Variants in MMP26 observed in about 807,000 individuals in gnomAD.
MMP26 encodes the protein matrix metalloproteinase-26.
Under a neutral mutation model 31.0 loss-of-function variants are expected in MMP26, and 33 were observed. That is an observed-to-expected ratio of 1.06 (90% confidence interval 0.81 to 1.42). The LOEUF (loss-of-function observed/expected upper bound fraction) is 1.42, where lower values mean the gene tolerates loss of function less well. Among genes scored for constraint, MMP26 ranks in the 40% most tolerant of loss-of-function variants. The pLI, the probability that MMP26 is intolerant of heterozygous loss-of-function variation, is 0.00. For synonymous variants in MMP26, 122 were observed against 114.9 expected (o/e 1.06, Z -0.40); for missense variants, 347 against 316.1 (o/e 1.10, Z -0.74).
intron 2 of MMP26, among the ~76,000 whole-genome samples, chr11:4,927,033 C>T (rs1446093304): frequency 6.6e-6 from 1 of 152,188 alleles, no homozygotes; most frequent in African/African-American, 2.4e-5. Flanking sequence ...ATTTCCTCCA[C>T]TAGACTGCAT....
intron 2 of MMP26, among the ~76,000 whole-genome samples, chr11:4,794,726 G>A (rs1198643090): frequency 2.0e-5 from 3 of 152,090 alleles, no homozygotes; most frequent in Non-Finnish European, 4.4e-5. Context: ...TTCGGGTGAG[G>A]GTAACCAAGC....
intron 2 of MMP26, among the ~76,000 whole-genome samples, chr11:4,895,091 A>G (rs1393179878): frequency 6.6e-6 from 1 of 152,154 alleles, no homozygotes; most frequent in Non-Finnish European, 1.5e-5. Flanking sequence ...CAAGTACAGT[A>G]CCTTATGTAG....
At chr11:4,990,249 T>C (rs1168221176) in intron 4 of MMP26, among the ~76,000 whole-genome samples, 1 of 152,256 alleles carries the variant, frequency 6.6e-6, no homozygotes, top group Non-Finnish European at 1.5e-5. Flanking sequence ...TGTAGAATGC[T>C]ATACATTTTA....
intron 2 of MMP26, among the ~76,000 whole-genome samples, chr11:4,982,520 A>G (rs1365917973): frequency 6.6e-6 from 1 of 152,200 alleles, no homozygotes; most frequent in Non-Finnish European, 1.5e-5. Context: ...TCGACAAATT[A>G]CTCAACTCCC....
chr11:4,866,288 A>C (rs1471654889), intron 2 of MMP26, among the ~76,000 whole-genome samples: 1 of 152,194 alleles, frequency 6.6e-6, no homozygotes, highest in African/African-American at 2.4e-5. Flanking sequence ...ATTTCAGTTT[A>C]AATTCATACA....
In MMP26 at chr11:4,845,916, T is replaced by C. The variant is rs1027652198; in HGVS notation, c.-145+78575T>C. Among the ~76,000 whole-genome samples, 103 of 152,298 alleles carry C rather than the reference T, an allele frequency of 6.8e-4. 1 individual carries two copies. The highest frequency in any genetic ancestry group is 2.4e-3 in the African/African-American group (99 of 41,584). On this transcript the variant is annotated intron_variant, in intron 2 of 7. Transcript: ENST00000380390. ...AGATCTCATCTCACTCCAGTTAAAA[T>C]GGCTGATATCCAAAAGACAGACAAT...
chr11:4,956,662 G>A (rs1589950341), intron 2 of MMP26, among the ~76,000 whole-genome samples: 4 of 152,148 alleles, frequency 2.6e-5, no homozygotes, highest in Admixed American at 6.5e-5. Flanking sequence ...TGTTATCCTA[G>A]ATTTTATTCC....
At chr11:4,860,242 A>G (rs1370713040) in intron 2 of MMP26, 5 of 471,218 alleles carry the variant, frequency 1.1e-5, no homozygotes, top group African/African-American at 1.0e-4. Context: ...TATTCCAAAT[A>G]CATGGATGAA....
intron 2 of MMP26, among the ~76,000 whole-genome samples, chr11:4,839,963 C>A (rs1037705437): frequency 9.2e-5 from 14 of 152,144 alleles, no homozygotes; most frequent in Admixed American, 9.2e-4. Context: ...AGGGTGAGTT[C>A]CTGGCCAGGC....
At chr11:4,900,008 A>G (rs1352816468) in intron 2 of MMP26, among the ~76,000 whole-genome samples, 1 of 152,162 alleles carries the variant, frequency 6.6e-6, no homozygotes, top group Non-Finnish European at 1.5e-5. Context: ...AAAGCTATGT[A>G]TAATGATTGT....
intron 3 of MMP26, among the ~76,000 whole-genome samples, chr11:4,988,776 A>C (rs560635923): frequency 1.6e-4 from 25 of 152,352 alleles, no homozygotes; most frequent in African/African-American, 6.0e-4. Flanking sequence ...TAAGCATCCA[A>C]AATACCTAAA....
chr11:4,789,412 A>T (rs1470504410), intron 2 of MMP26, among the ~76,000 whole-genome samples: 1 of 150,986 alleles, frequency 6.6e-6, no homozygotes, highest in Non-Finnish European at 1.5e-5. Flanking sequence ...AGATGCTGGT[A>T]GCAGGTTCCT....
At chr11:4,833,224 C>T (rs1018277941) in intron 2 of MMP26, among the ~76,000 whole-genome samples, 1 of 152,128 alleles carries the variant, frequency 6.6e-6, no homozygotes, top group Non-Finnish European at 1.5e-5. Context: ...CCCTAAGGAG[C>T]ATCTAATATA....
intron 1 of MMP26, among the ~76,000 whole-genome samples, chr11:4,766,929 C>G (rs1307338339): frequency 6.6e-6 from 1 of 152,008 alleles, no homozygotes; most frequent in African/African-American, 2.4e-5. Flanking sequence ...CCACATCTAT[C>G]TTTCTGATGT....
At chr11:4,789,030 T>A (rs1414452732) in intron 2 of MMP26, among the ~76,000 whole-genome samples, 7 of 152,178 alleles carry the variant, frequency 4.6e-5, no homozygotes, top group African/African-American at 1.4e-4. Flanking sequence ...TTTCCTCCAC[T>A]TATCTATTTG....
chr11:4,706,313 C>A (rs985316134), intron 1 of MMP26, among the ~76,000 whole-genome samples: 6 of 151,878 alleles, frequency 4.0e-5, no homozygotes, highest in Admixed American at 3.9e-4. Context: ...GTAATCCCAG[C>A]ACTTTGGAGG....
intron 2 of MMP26, chr11:4,908,406 T>G: frequency 1.0e-6 from 1 of 1,000,388 alleles, no homozygotes; most frequent in Non-Finnish European, 1.6e-6. Flanking sequence ...AAGGACTGGA[T>G]GATGGAAGTG....
At chr11:4,907,770 C>A in intron 2 of MMP26, 1 of 1,614,080 alleles carries the variant, frequency 6.2e-7, no homozygotes, top group Non-Finnish European at 8.5e-7. Context: ...AGATACAGTT[C>A]TATCCTCACT....
intron 2 of MMP26, among the ~76,000 whole-genome samples, chr11:4,879,149 G>T (rs1346220612): frequency 6.6e-6 from 1 of 152,054 alleles, no homozygotes. Context: ...CAGGAGAATT[G>T]CTTGAACCCA....
Sources: allele counts gnomAD v4.1 joint callset (sites outside exome capture counted in the v4.1 genomes callset), GRCh38; gene constraint gnomAD v4.1.1; transcripts MANE v1.5; gene names NCBI Gene and HGNC (gene_info 2026-07-23, HGNC 2026-07-21).